CSMD1: variants seen among roughly 807,000 people sequenced by gnomAD.
CSMD1 encodes CUB and sushi domain-containing protein 1.
Under a neutral mutation model 417.5 loss-of-function variants are expected in CSMD1, and 213 were observed. That is an observed-to-expected ratio of 0.51 (90% CI 0.46 to 0.57). The LOEUF is 0.57. Ranked by LOEUF, CSMD1 falls within the 20% of genes least tolerant of loss-of-function variation. CSMD1 has a pLI of 0.00. For missense variants in CSMD1, 6,923 were observed against 4,529.7 expected, an observed-to-expected ratio of 1.53 and a Z score of -15.17; for synonymous variants, 2,862 against 1,736.8, an observed-to-expected ratio of 1.65 and a Z score of -16.11.
chr8:4,288,844 A>G (rs1237792861), intron 3 of CSMD1, among the ~76,000 whole-genome samples: 14 of 152,228 alleles, frequency 9.2e-5, no homozygotes, highest in Non-Finnish European at 2.1e-4. Context: ...GCACTAATAT[A>G]GGATACCAGT....
At chr8:4,680,285 A>G (rs998516097) in intron 1 of CSMD1, among the ~76,000 whole-genome samples, 2 of 152,214 alleles carry the variant, frequency 1.3e-5, no homozygotes, top group African/African-American at 2.4e-5. Context: ...ATATTTTACA[A>G]GGAAAATTCG....
chr8:3,951,841 AG>A (rs1404431506), intron 5 of CSMD1, among the ~76,000 whole-genome samples: 1 of 152,130 alleles, frequency 6.6e-6, no homozygotes, highest in African/African-American at 2.4e-5. Context: ...TAACCCAAAA[AG>A]AAAAATTAAA....
At position 4,847,160 on chromosome 8, in the gene CSMD1, CG is replaced by C. The variant is rs1801192246; in HGVS notation, c.85+147171del. Reference sequence around the variant, plus strand: ...TCTTTGTTTCTGAATGCCACTCTCTCGTAAGTCACTCTCTTTTTGCATGCAA... The same window carrying C: ...TCTTTGTTTCTGAATGCCACTCTCTCTAAGTCACTCTCTTTTTGCATGCAA... On this transcript the variant is annotated intron_variant, in intron 1 of 69. Transcript: ENST00000635120. Among the ~76,000 whole-genome samples, 4 of 152,246 alleles carry C rather than the reference CG, an allele frequency of 2.6e-5. No individual in the cohort carries two copies. The South Asian group carries it at 6.2e-4, about 24-fold the overall frequency.
At chr8:4,670,617 G>C (rs1805235835) in intron 1 of CSMD1, among the ~76,000 whole-genome samples, 1 of 152,064 alleles carries the variant, frequency 6.6e-6, no homozygotes, top group Admixed American at 6.6e-5. Context: ...CATGCATTTT[G>C]ATAATATCAC....
intron 1 of CSMD1, among the ~76,000 whole-genome samples, chr8:4,653,243 G>T (rs1227888513): frequency 6.6e-6 from 1 of 152,102 alleles, no homozygotes; most frequent in Non-Finnish European, 1.5e-5. Context: ...TACAAATCGG[G>T]CTCCTATAAA....
intron 1 of CSMD1, among the ~76,000 whole-genome samples, chr8:4,729,983 T>C (rs554783608): frequency 2.0e-5 from 3 of 152,194 alleles, no homozygotes; most frequent in South Asian, 2.1e-4. Flanking sequence ...AAATCACTTC[T>C]CCTCTCCCGA....
intron 3 of CSMD1, among the ~76,000 whole-genome samples, chr8:4,338,600 C>A (rs1800304939): frequency 6.6e-6 from 1 of 152,052 alleles, no homozygotes; most frequent in Non-Finnish European, 1.5e-5. Context: ...ATAATAGAAA[C>A]ACAGCAATTA....
intron 2 of CSMD1, among the ~76,000 whole-genome samples, chr8:4,544,317 T>G (rs1342271271): frequency 6.6e-6 from 1 of 152,134 alleles, no homozygotes; most frequent in Non-Finnish European, 1.5e-5. Flanking sequence ...ATATCTAAAT[T>G]TATTTATTTA....
At chr8:4,184,606 C>T (rs749329835) in intron 3 of CSMD1, among the ~76,000 whole-genome samples, 2 of 151,220 alleles carry the variant, frequency 1.3e-5, no homozygotes, top group Middle Eastern at 3.4e-3. Context: ...CAAACTAACA[C>T]AGGAAAAAAA....
intron 11 of CSMD1, among the ~76,000 whole-genome samples, chr8:3,478,603 A>G (rs914369830): frequency 1.2e-4 from 18 of 152,142 alleles, no homozygotes; most frequent in African/African-American, 4.3e-4. Flanking sequence ...ACAGAAGGCC[A>G]CTCCGACTTG....
chr8:3,443,359 C>A (rs1343979715), intron 12 of CSMD1, among the ~76,000 whole-genome samples: 1 of 152,026 alleles, frequency 6.6e-6, no homozygotes, highest in Non-Finnish European at 1.5e-5. Flanking sequence ...AGAAAGAGAG[C>A]AAGCTACTAT....
rs189939750 is a variant in CSMD1 at position 3,426,557 on chromosome 8, C to A, written c.1562-16952G>T. ...TTAAGTGACTTCTCCTTATTAAACA[C>A]CAGGACAGATGAAGATACAAGGCAA... On this transcript the variant is annotated intron_variant, in intron 12 of 69. Coordinates refer to ENST00000635120, the MANE Select transcript of CSMD1 (RefSeq NM_033225.6). Among the ~76,000 whole-genome samples the A allele has an allele frequency of 8.2e-3, 1,249 of 152,298 alleles. 15 individuals are homozygous for A. Among genetic ancestry groups the A allele is most frequent in the African/African-American group, 0.029 (1,185 of 41,548 alleles).
intron 26 of CSMD1, among the ~76,000 whole-genome samples, chr8:3,256,786 A>T (rs553946955): frequency 1.1e-4 from 16 of 152,306 alleles, no homozygotes; most frequent in African/African-American, 3.8e-4. Flanking sequence ...TATTTAACCA[A>T]AGGCATCTTT....
chr8:3,164,090 T>C (rs1031238335), intron 37 of CSMD1, among the ~76,000 whole-genome samples: 1 of 152,152 alleles, frequency 6.6e-6, no homozygotes, highest in Admixed American at 6.5e-5. Flanking sequence ...GCCGAGTGTT[T>C]CCCCAAATCT....
intron 51 of CSMD1, among the ~76,000 whole-genome samples, chr8:3,025,720 T>A (rs1418954226): frequency 2.0e-5 from 3 of 152,242 alleles, no homozygotes; most frequent in Non-Finnish European, 2.9e-5. Context: ...AGCCACACAT[T>A]AAGGGGCTTT....
chr8:4,824,799 C>G (rs1050722852), intron 1 of CSMD1, among the ~76,000 whole-genome samples: 16 of 152,242 alleles, frequency 1.1e-4, no homozygotes, highest in South Asian at 2.1e-4. Flanking sequence ...TTTTAATGTA[C>G]TCGGAGGAAA....
chr8:4,371,015 A>T (rs1037541539), intron 3 of CSMD1, among the ~76,000 whole-genome samples: 4 of 152,296 alleles, frequency 2.6e-5, no homozygotes, highest in African/African-American at 9.6e-5. Context: ...TAGTGTTACT[A>T]GGGTCTTGGA....
chr8:3,069,262 C>G (rs371724226), intron 49 of CSMD1, among the ~76,000 whole-genome samples: 79 of 152,012 alleles, frequency 5.2e-4, no homozygotes, highest in African/African-American at 1.7e-3. Flanking sequence ...GGTGAACACC[C>G]TGTCGCTACT....
intron 5 of CSMD1, among the ~76,000 whole-genome samples, chr8:3,891,144 G>T (rs182807350): frequency 1.3e-5 from 2 of 151,956 alleles, no homozygotes; most frequent in African/African-American, 4.8e-5. Context: ...CACCTCTTGG[G>T]CTTAAGTGAT....
Sources: allele counts gnomAD v4.1 joint callset (sites outside exome capture counted in the v4.1 genomes callset), GRCh38; gene constraint gnomAD v4.1.1; transcripts MANE v1.5; gene names NCBI Gene and HGNC (gene_info 2026-07-23, HGNC 2026-07-21).